The following MERTK variants were observed in gnomAD, a reference collection of about 807,000 sequenced individuals.
The protein encoded by MERTK is tyrosine-protein kinase Mer.
A neutral mutation model predicts 99.3 loss-of-function variants in MERTK; 69 were observed. The ratio of observed to expected loss-of-function variants is 0.70; its 90% CI spans 0.57 to 0.85. The LOEUF is 0.85. Ranked by LOEUF, MERTK falls within the 40% of genes least tolerant of loss-of-function variation. MERTK has a pLI of 0.00. For synonymous variants in MERTK, 426 were observed against 467.6 expected (o/e 0.91, Z 1.15); for missense variants, 1,125 against 1,249.4 (o/e 0.90, Z 1.50).
intron 1 of MERTK, 144 bp downstream of exon 1, chr2:111,898,940 A>G (rs901890420): frequency 2.2e-6 from 2 of 898,622 alleles, no homozygotes; most frequent in Non-Finnish European, 3.3e-6. Context: ...GCGGTGCCAG[A>G]GGAGGGGGCG....
intron 2 of MERTK, chr2:111,940,451 C>G (rs150809005): frequency 0.01 from 5,752 of 554,376 alleles, 350 homozygotes; most frequent in Admixed American, 0.1. Flanking sequence ...TCATTAAGAA[C>G]TGCATCTCCT....
intron 2 of MERTK, 136 bp from the exon 3 acceptor site, chr2:111,944,824 G>C (rs1296998440): frequency 6.7e-6 from 5 of 747,448 alleles, no homozygotes; most frequent in Non-Finnish European, 1.1e-5. Flanking sequence ...AAACAACTGC[G>C]TACAATGGCC....
intron 2 of MERTK, among the ~76,000 whole-genome samples, chr2:111,941,404 G>T (rs574874317): frequency 7.9e-5 from 12 of 152,306 alleles, no homozygotes; most frequent in East Asian, 3.9e-4. Flanking sequence ...GTGCTGCCCA[G>T]CCGGGGGCCC....
intron 4 of MERTK, among the ~76,000 whole-genome samples, chr2:111,956,660 TTTG>T (rs996705662): frequency 5.9e-5 from 9 of 152,106 alleles, no homozygotes; most frequent in African/African-American, 1.4e-4. Flanking sequence ...ATTAGGCAGT[TTTG>T]TTGTTGTTGT....
At position 111,998,023 on chromosome 2, in the gene MERTK, G is replaced by C. The variant is rs142492212; in HGVS notation, c.1604+547G>C. On this transcript the variant is annotated intron_variant, in intron 10 of 18. Coordinates refer to ENST00000295408, the MANE Select transcript of MERTK (RefSeq NM_006343.3). ...GAGTGGGACAGAATGAGTGAGGGGTGTATGGCTATACTTTGGAGGGGGCTG... is the reference window on the plus strand; with the variant it reads ...GAGTGGGACAGAATGAGTGAGGGGTCTATGGCTATACTTTGGAGGGGGCTG... Among the ~76,000 whole-genome samples the C allele has an allele frequency of 7.9e-4, 120 of 152,332 alleles. 1 individual carries two copies. The highest frequency in any genetic ancestry group is 2.6e-4 in the Non-Finnish European group (18 of 68,032).
At chr2:112,010,962 C>G (rs142252388) in intron 15 of MERTK, among the ~76,000 whole-genome samples, 1 of 152,252 alleles carries the variant, frequency 6.6e-6, no homozygotes, top group East Asian at 1.9e-4. Flanking sequence ...CATTCTCTGA[C>G]TGGGCAAAAG....
rs552797852 is a variant in MERTK at position 111,946,248 on chromosome 2, G to GA, written c.584-1139dup. Among the ~76,000 whole-genome samples, 235 of 152,048 alleles carry GA rather than the reference G, an allele frequency of 1.5e-3. 1 individual carries two copies. The highest frequency in any genetic ancestry group is 5.4e-3 in the African/African-American group (222 of 41,484). The stretch of plus-strand genomic sequence containing the variant: ...TTTCCTACATTTGCAGCTAATTTGG[G>GA]AAAAAAATATTTACAGGAGATTTTA... On this transcript the variant is annotated intron_variant, in intron 3 of 18. Transcript: ENST00000295408.
intron 4 of MERTK, among the ~76,000 whole-genome samples, chr2:111,961,779 A>G (rs1427389402): frequency 6.6e-6 from 1 of 152,190 alleles, no homozygotes; most frequent in Non-Finnish European, 1.5e-5. Context: ...CCTCAGGAGA[A>G]GCACTAATAT....
chr2:112,011,508 T>C (rs1469121011), intron 15 of MERTK, among the ~76,000 whole-genome samples: 1 of 152,076 alleles, frequency 6.6e-6, no homozygotes, highest in East Asian at 1.9e-4. Context: ...TCCCAGCACA[T>C]TGGGAGGCTG....
intron 2 of MERTK, among the ~76,000 whole-genome samples, chr2:111,934,490 T>C (rs1189532945): frequency 2.6e-5 from 4 of 152,244 alleles, no homozygotes; most frequent in Non-Finnish European, 4.4e-5. Context: ...TGAGCTTTTT[T>C]TCATGTTTGT....
chr2:111,918,715 T>C lies in MERTK; in HGVS notation c.62-10405T>C, dbSNP rs189767881. Among the ~76,000 whole-genome samples, 58 of 152,376 alleles carry C rather than the reference T, an allele frequency of 3.8e-4. No homozygotes were observed. In the Middle Eastern group the frequency reaches 0.014, roughly 36 times the overall value. ...GTCCAGGCATGACTAGTTGCACCTT[T>C]GAAACAAGACAGATCAGATGTTTCA... On this transcript the variant is annotated intron_variant, in intron 1 of 18. Transcript: ENST00000295408.
intron 15 of MERTK, among the ~76,000 whole-genome samples, chr2:112,017,455 C>A (rs1169410847): frequency 6.6e-6 from 1 of 152,066 alleles, no homozygotes; most frequent in African/African-American, 2.4e-5. Flanking sequence ...CATGGAGAAA[C>A]CCCATCTCTA....
At chr2:112,010,131 C>A in intron 15 of MERTK, 65 bp downstream of exon 15, 2 of 1,171,654 alleles carry the variant, frequency 1.7e-6, no homozygotes, top group Non-Finnish European at 2.6e-6. Context: ...CCAGGACAAC[C>A]AAATCATCTA....
intron 13 of MERTK, among the ~76,000 whole-genome samples, chr2:112,006,732 T>A (rs1309354465): frequency 2.0e-5 from 3 of 152,194 alleles, no homozygotes; most frequent in Non-Finnish European, 4.4e-5. Context: ...TACCTGCAGG[T>A]TGGACCCCTG....
chr2:111,973,891 G>T (rs1676175278), intron 6 of MERTK, among the ~76,000 whole-genome samples: 1 of 151,276 alleles, frequency 6.6e-6, no homozygotes, highest in Non-Finnish European at 1.5e-5. Context: ...GGAGAGACTG[G>T]TGGAGTTATG....
At position 112,028,435 on chromosome 2, in the gene MERTK, CTT is replaced by C. The variant is rs1677514287; in HGVS notation, c.2572_2573del (p.Leu858ArgfsTer5). The C allele has an allele frequency of 6.2e-7, 1 of 1,614,182 alleles. No homozygotes were observed. On this transcript the variant is annotated frameshift_variant, in exon 19 of 19. Transcript: ENST00000295408. LOFTEE classifies it low-confidence loss of function (END_TRUNC). Reference protein sequence around the residue: ...SVLRLQLEKLLESLPDVRNQA... With the variant: ...SVLRLQLEKLXESLPDVRNQA... ...TATTGAGGCTGCAGCTAGAAAAACT[CTT>C]AGAAAGTTTGCCTGACGTTCGGAAC...
At chr2:111,962,717 C>G (rs577988187) in intron 4 of MERTK, among the ~76,000 whole-genome samples, 8 of 152,242 alleles carry the variant, frequency 5.3e-5, no homozygotes, top group African/African-American at 1.9e-4. Context: ...TTTTTACCTC[C>G]TGTCCTTTTT....
chr2:111,927,801 AG>A (rs1292222382), intron 1 of MERTK, among the ~76,000 whole-genome samples: 1 of 152,228 alleles, frequency 6.6e-6, no homozygotes, highest in Non-Finnish European at 1.5e-5. Flanking sequence ...TCAGGAGCCC[AG>A]GAGGGCATGA....
At chr2:111,939,207 C>T (rs945174768) in intron 2 of MERTK, among the ~76,000 whole-genome samples, 7 of 152,226 alleles carry the variant, frequency 4.6e-5, no homozygotes, top group South Asian at 2.1e-4. Flanking sequence ...CCTAAGGCAA[C>T]GCAGGGCATC....
Sources: gnomAD v4.1 joint callset for allele counts (sites outside exome capture counted in the v4.1 genomes callset) on GRCh38, gnomAD v4.1.1 for gene constraint, MANE v1.5 for transcripts, NCBI Gene and HGNC (gene_info 2026-07-23, HGNC 2026-07-21) for gene names.